SNTG1: variants seen among roughly 807,000 people sequenced by gnomAD.
SNTG1 encodes gamma-1-syntrophin.
A neutral mutation model predicts 74.7 loss-of-function variants in SNTG1; 39 were observed. That is an observed-to-expected ratio of 0.52 (90% CI 0.40 to 0.68). The LOEUF (loss-of-function observed/expected upper bound fraction) is 0.68. Ranked by LOEUF, SNTG1 falls within the 30% of genes least tolerant of loss-of-function variation. The probability of loss-of-function intolerance (pLI) is 0.00; values close to 1 mark genes in which losing one functional copy is unlikely to be tolerated. For missense variants in SNTG1, 685 were observed against 609.5 expected (o/e 1.12, Z -1.30); for synonymous variants, 254 against 217.1 (o/e 1.17, Z -1.49).
In SNTG1 at chr8:50,485,353, GC is replaced by G. The variant is rs369096548; in HGVS notation, c.364-17423del. Among the ~76,000 whole-genome samples the G allele has an allele frequency of 7.1e-4, 108 of 152,050 alleles. 2 individuals are homozygous for G. In the East Asian group the frequency reaches 0.015, roughly 21 times the overall value. ...ATCCTTTTATGCAGACTAGATTTGG[GC>G]CAGGGTTTTTTACATAATGCTATTT... On this transcript the variant is annotated intron_variant, in intron 8 of 18. Coordinates refer to ENST00000642720, the MANE Select transcript of SNTG1 (RefSeq NM_018967.5).
intron 2 of SNTG1, among the ~76,000 whole-genome samples, chr8:50,295,375 T>C (rs1164153862): frequency 6.6e-6 from 1 of 152,138 alleles, no homozygotes; most frequent in Non-Finnish European, 1.5e-5. Context: ...TCCAGAAAAA[T>C]CCATATATGT....
At chr8:50,259,396 G>A (rs372666232) in intron 2 of SNTG1, among the ~76,000 whole-genome samples, 6 of 151,814 alleles carry the variant, frequency 4.0e-5, no homozygotes, top group African/African-American at 1.4e-4. Context: ...CTACCCAGGA[G>A]GCTGAGGCAG....
intron 12 of SNTG1, among the ~76,000 whole-genome samples, chr8:50,568,227 T>TTGTTTGTG (rs140888701): frequency 0.12 from 17,756 of 146,294 alleles, 1,581 homozygotes; most frequent in African/African-American, 0.25. Flanking sequence ...TTGTCCATGT[T>TTGTTTGTG]TGTGTGTGTG....
Position 49,941,083 on chromosome 8 carries a change from C to T in SNTG1, c.-103+28852C>T, listed in dbSNP as rs191454438. Reference sequence around the variant, plus strand: ...TGGGATGCATCTGAGTGGGGCACCCCCTCTTCTCAGGACAAACTCTTCAGT... The same window carrying T: ...TGGGATGCATCTGAGTGGGGCACCCTCTCTTCTCAGGACAAACTCTTCAGT... On this transcript the variant is annotated intron_variant, in intron 1 of 18. Coordinates refer to ENST00000642720, the MANE Select transcript of SNTG1 (RefSeq NM_018967.5). 1.5e-3 allele frequency among the ~76,000 whole-genome samples: 226 copies of T among 152,204 alleles called. 1 individual carries two copies. The highest frequency in any genetic ancestry group is 0.01 in the Middle Eastern group (3 of 292).
intron 1 of SNTG1, among the ~76,000 whole-genome samples, chr8:50,138,918 T>A (rs1335217014): frequency 6.6e-6 from 1 of 152,098 alleles, no homozygotes; most frequent in Non-Finnish European, 1.5e-5. Context: ...TTTATAAAAT[T>A]TAAATTTTAT....
intron 9 of SNTG1, among the ~76,000 whole-genome samples, chr8:50,515,814 TAGATAAAA>T (rs1433426225): frequency 1.3e-5 from 2 of 152,094 alleles, no homozygotes; most frequent in African/African-American, 4.8e-5. Flanking sequence ...CAGGGGCTTA[TAGATAAAA>T]CTCCCGTCTC....
chr8:50,582,399 TA>T (rs979923479), intron 12 of SNTG1, among the ~76,000 whole-genome samples: 1 of 152,032 alleles, frequency 6.6e-6, no homozygotes, highest in African/African-American at 2.4e-5. Flanking sequence ...GCAAATAAAT[TA>T]CAAAAGAAAA....
intron 17 of SNTG1, among the ~76,000 whole-genome samples, chr8:50,713,153 G>T (rs534678410): frequency 9.2e-5 from 14 of 152,010 alleles, no homozygotes; most frequent in African/African-American, 3.4e-4. Context: ...CCACATCCTC[G>T]CCAGCATCTG....
chr8:50,684,668 T>C (rs1451671450), intron 15 of SNTG1, among the ~76,000 whole-genome samples: 2 of 151,846 alleles, frequency 1.3e-5, no homozygotes, highest in African/African-American at 2.4e-5. Flanking sequence ...AATTATCATA[T>C]AAAAAAGTAT....
rs185694036 is a variant in SNTG1 at position 50,426,854 on chromosome 8, G to A, written c.163-11689G>A. Among the ~76,000 whole-genome samples the A allele has an allele frequency of 3.5e-3, 534 of 152,022 alleles. 3 individuals are homozygous for A. The highest frequency in any genetic ancestry group is 0.012 in the African/African-American group (508 of 41,494). On this transcript the variant is annotated intron_variant, in intron 4 of 18. Coordinates refer to ENST00000642720, the MANE Select transcript of SNTG1 (RefSeq NM_018967.5). Reference sequence around the variant, plus strand: ...TAACACAAATTTAAAAAGCAATAACGTATAATAACTATTTACTATATAGGC... The same window carrying A: ...TAACACAAATTTAAAAAGCAATAACATATAATAACTATTTACTATATAGGC...
rs1025113765 is a variant in SNTG1 at position 50,450,819 on chromosome 8, G to T, written c.363+90G>T. On this transcript the variant is annotated intron_variant, in intron 8 of 18. Transcript: ENST00000642720. ...TAAAGACTGTCACTTCATTCATTAG[G>T]CAGATATGACATTTATCCAGTTTGA... is the stretch of plus-strand genomic sequence containing the variant. The T allele has an allele frequency of 6.2e-6, 8 of 1,281,890 alleles. No homozygotes were observed. In the African/African-American group the frequency reaches 1.0e-4, roughly 17 times the overall value. 79.4% of individuals were successfully genotyped at this position (1,281,890 alleles called of 1,614,324 possible).
chr8:50,041,724 C>T (rs998334053), intron 1 of SNTG1, among the ~76,000 whole-genome samples: 3 of 152,134 alleles, frequency 2.0e-5, no homozygotes, highest in Admixed American at 6.5e-5. Flanking sequence ...TGATTCATGC[C>T]TCTCTGTTGT....
At chr8:50,530,985 C>A (rs1278317200) in intron 10 of SNTG1, among the ~76,000 whole-genome samples, 1 of 152,262 alleles carries the variant, frequency 6.6e-6, no homozygotes, top group East Asian at 1.9e-4. Flanking sequence ...GCAGAGGTGA[C>A]GTTAAGCAGA....
At chr8:50,762,913 G>A (rs907705448) in intron 18 of SNTG1, 2 of 274,334 alleles carry the variant, frequency 7.3e-6, no homozygotes, top group African/African-American at 2.3e-5. Context: ...AGCAGCATTG[G>A]GGATTTTTCT....
chr8:50,068,809 CA>C (rs1821112900), intron 1 of SNTG1, among the ~76,000 whole-genome samples: 1 of 152,068 alleles, frequency 6.6e-6, no homozygotes. Flanking sequence ...TGCTTTTGCT[CA>C]GCTGATGTTA....
intron 15 of SNTG1, among the ~76,000 whole-genome samples, chr8:50,668,808 T>C (rs1009987096): frequency 1.3e-5 from 2 of 151,984 alleles, no homozygotes; most frequent in African/African-American, 4.8e-5. Context: ...AAGGACATGA[T>C]CTCATTTCTT....
chr8:50,762,711 C>T, intron 18 of SNTG1: 1 of 483,170 alleles, frequency 2.1e-6, no homozygotes, highest in Non-Finnish European at 4.2e-6. Context: ...AGATTAGGCC[C>T]AGTCTTGTGC....
chr8:50,670,115 C>T (rs2095272512), intron 15 of SNTG1, among the ~76,000 whole-genome samples: 1 of 152,110 alleles, frequency 6.6e-6, no homozygotes, highest in Non-Finnish European at 1.5e-5. Flanking sequence ...GGAAGCATTC[C>T]CTTTGAAAAC....
At chr8:50,297,710 C>A (rs891993573) in intron 2 of SNTG1, among the ~76,000 whole-genome samples, 2 of 152,088 alleles carry the variant, frequency 1.3e-5, no homozygotes, top group African/African-American at 4.8e-5. Flanking sequence ...GGCATGCAAC[C>A]TAAAACCTAT....
Sources: gnomAD v4.1 joint callset for allele counts (sites outside exome capture counted in the v4.1 genomes callset) on GRCh38, gnomAD v4.1.1 for gene constraint, MANE v1.5 for transcripts, NCBI Gene and HGNC (gene_info 2026-07-23, HGNC 2026-07-21) for gene names.